MARCHF1: variants seen among roughly 807,000 people sequenced by gnomAD.
The protein encoded by MARCHF1 is membrane associated ring-CH-type finger 1.
In MARCHF1, 40 loss-of-function variants were observed where a neutral mutation model predicts 54.2. The observed-to-expected ratio is 0.74, with a 90% confidence interval of 0.57 to 0.96. The LOEUF is 0.96. MARCHF1 is among the 40% of genes least tolerant of loss of function. MARCHF1 has a pLI of 0.00. For synonymous variants in MARCHF1, 236 were observed against 236.3 expected, an observed-to-expected ratio of 1.00 and a Z score of 0.01; for missense variants, 586 against 656.5, an observed-to-expected ratio of 0.89 and a Z score of 1.17.
intron 1 of MARCHF1, among the ~76,000 whole-genome samples, chr4:164,129,281 C>T (rs1342445701): frequency 1.3e-5 from 2 of 152,064 alleles, no homozygotes; most frequent in Non-Finnish European, 2.9e-5. Context: ...AATATGATCT[C>T]ATAATTATAA....
chr4:163,824,628 A>C, intron 4 of MARCHF1, among the ~76,000 whole-genome samples: 2 of 87,626 alleles, frequency 2.3e-5, no homozygotes, highest in African/African-American at 7.1e-5. Flanking sequence ...ACAAAAGCCA[A>C]AATTGACAAA....
At chr4:163,985,388 C>T (rs1013951386) in intron 3 of MARCHF1, among the ~76,000 whole-genome samples, 3 of 152,008 alleles carry the variant, frequency 2.0e-5, no homozygotes. Context: ...GTGTTTTGTA[C>T]TTCCAGGGTT....
At chr4:164,271,819 T>A (rs1473571639) in intron 1 of MARCHF1, among the ~76,000 whole-genome samples, 1 of 151,986 alleles carries the variant, frequency 6.6e-6, no homozygotes, top group African/African-American at 2.4e-5. Context: ...TATGACTACA[T>A]CGAAATATAA....
intron 2 of MARCHF1, among the ~76,000 whole-genome samples, chr4:164,061,754 G>T: frequency 6.6e-6 from 1 of 151,808 alleles, no homozygotes; most frequent in East Asian, 1.9e-4. Context: ...ATCTAAAAAT[G>T]TACATACTTT....
chr4:164,307,852 A>G (rs1734736682), intron 1 of MARCHF1, among the ~76,000 whole-genome samples: 1 of 152,236 alleles, frequency 6.6e-6, no homozygotes, highest in African/African-American at 2.4e-5. Context: ...AGATGGCTGT[A>G]GTCCCCTATT....
intron 4 of MARCHF1, among the ~76,000 whole-genome samples, chr4:163,835,677 A>T (rs564888146): frequency 6.6e-6 from 1 of 152,186 alleles, no homozygotes; most frequent in African/African-American, 2.4e-5. Flanking sequence ...GAGGCTGCCC[A>T]ATTCGCGAAT....
At chr4:164,035,788 A>G (rs2111004987) in intron 2 of MARCHF1, among the ~76,000 whole-genome samples, 1 of 152,032 alleles carries the variant, frequency 6.6e-6, no homozygotes, top group South Asian at 2.1e-4. Flanking sequence ...AGATCTAATT[A>G]ATAGTATTTT....
chr4:164,277,709 C>G (rs1477397024), intron 1 of MARCHF1, among the ~76,000 whole-genome samples: 2 of 152,198 alleles, frequency 1.3e-5, no homozygotes, highest in African/African-American at 2.4e-5. Flanking sequence ...GCATGCAACA[C>G]AACTGCACTT....
chr4:163,569,409 A>G (rs1487809644), intron 8 of MARCHF1, among the ~76,000 whole-genome samples: 4 of 152,154 alleles, frequency 2.6e-5, no homozygotes, highest in Non-Finnish European at 4.4e-5. Flanking sequence ...TGTAATCTCA[A>G]AGACACTTTG....
chr4:164,143,296 C>T (rs1438869443), intron 1 of MARCHF1, among the ~76,000 whole-genome samples: 1,012 of 139,132 alleles, frequency 7.3e-3, no homozygotes, highest in Middle Eastern at 0.012. Flanking sequence ...GGCAGGCCAA[C>T]GTTCAGATTC....
chr4:163,663,392 A>G (rs1301034553), intron 5 of MARCHF1, among the ~76,000 whole-genome samples: 1 of 151,848 alleles, frequency 6.6e-6, no homozygotes, highest in Non-Finnish European at 1.5e-5. Flanking sequence ...TCTCTGGCTT[A>G]TGTTTCTCTC....
chr4:164,212,098 A>AGAG (rs1226203976), intron 1 of MARCHF1, among the ~76,000 whole-genome samples: 1 of 152,196 alleles, frequency 6.6e-6, no homozygotes, highest in East Asian at 1.9e-4. Context: ...AAAAAATGGA[A>AGAG]GAGGAGGATG....
At chr4:164,065,971 A>G (rs77675856) in intron 2 of MARCHF1, among the ~76,000 whole-genome samples, 3,367 of 152,292 alleles carry the variant, frequency 0.022, 58 homozygotes, top group East Asian at 0.051. Flanking sequence ...TGCACCCACA[A>G]TGAAGTTGGG....
At chr4:164,155,090 T>G (rs755070114) in intron 1 of MARCHF1, among the ~76,000 whole-genome samples, 1 of 152,206 alleles carries the variant, frequency 6.6e-6, no homozygotes, top group African/African-American at 2.4e-5. Context: ...TCTCCTCATC[T>G]GCTTCTGGAG....
At chr4:163,788,409 T>C (rs986300503) in intron 4 of MARCHF1, among the ~76,000 whole-genome samples, 1 of 151,974 alleles carries the variant, frequency 6.6e-6, no homozygotes, top group Non-Finnish European at 1.5e-5. Flanking sequence ...TTTCAGTAGT[T>C]TTCCCACTAA....
intron 1 of MARCHF1, among the ~76,000 whole-genome samples, chr4:164,232,786 G>T (rs376550524): frequency 2.6e-5 from 4 of 152,240 alleles, no homozygotes; most frequent in Admixed American, 6.5e-5. Context: ...TAGAGAAATT[G>T]TATATACACA....
chr4:163,771,220 T>A (rs898546632), intron 4 of MARCHF1, among the ~76,000 whole-genome samples: 1 of 152,194 alleles, frequency 6.6e-6, no homozygotes, highest in African/African-American at 2.4e-5. Context: ...GCTATTGGCA[T>A]CTAGTGAGGA....
At chr4:164,298,952 G>T (rs1734481089) in intron 1 of MARCHF1, among the ~76,000 whole-genome samples, 2 of 152,032 alleles carry the variant, frequency 1.3e-5, no homozygotes, top group African/African-American at 4.8e-5. Context: ...ACAACAAAAG[G>T]TCTAAATAAA....
intron 8 of MARCHF1, among the ~76,000 whole-genome samples, chr4:163,568,218 C>CTGT (rs1419224931): frequency 6.6e-6 from 1 of 152,110 alleles, no homozygotes; most frequent in Admixed American, 6.6e-5. Flanking sequence ...AATAAATTAA[C>CTGT]TGTTACTCTA....
Sources: allele counts gnomAD v4.1 joint callset (sites outside exome capture counted in the v4.1 genomes callset), GRCh38; gene constraint gnomAD v4.1.1; transcripts MANE v1.5; gene names NCBI Gene and HGNC (gene_info 2026-07-23, HGNC 2026-07-21).